NELL1: variants seen among roughly 807,000 people sequenced by gnomAD.
The protein encoded by NELL1 is protein kinase C-binding protein NELL1.
Under a neutral mutation model 107.4 loss-of-function variants are expected in NELL1, and 76 were observed. The observed-to-expected ratio is 0.71, with a 90% CI of 0.59 to 0.86. The LOEUF is 0.86. NELL1 is among the 40% of genes least tolerant of loss of function. The pLI, the probability that NELL1 is intolerant of heterozygous loss-of-function variation, is 0.00. For missense variants in NELL1, 1,024 were observed against 1,005.5 expected (o/e 1.02, Z -0.25); for synonymous variants, 353 against 341.2 (o/e 1.03, Z -0.38).
In NELL1 at chr11:21,337,852, T is replaced by G. The variant is rs544069969; in HGVS notation, c.1550-33001T>G. 1.8e-3 allele frequency among the ~76,000 whole-genome samples: 268 copies of G among 146,152 alleles called. 2 individuals are homozygous for G. The East Asian group carries it at 0.019, about 10-fold the overall frequency. ...TCTTTCTTTCTTTTCTTTCTTTCTTTCTTTCTTTCTTTCTTTCTTTCTTTC... is the reference window on the plus strand; with the variant it reads ...TCTTTCTTTCTTTTCTTTCTTTCTTGCTTTCTTTCTTTCTTTCTTTCTTTC... On this transcript the variant is annotated intron_variant, in intron 14 of 19. Coordinates refer to ENST00000357134, the MANE Select transcript of NELL1 (RefSeq NM_006157.5).
chr11:21,143,777 C>T (rs1855917536), intron 13 of NELL1, among the ~76,000 whole-genome samples: 1 of 152,094 alleles, frequency 6.6e-6, no homozygotes, highest in East Asian at 1.9e-4. Flanking sequence ...CCAAGAAGCT[C>T]CCTGTAGACA....
At position 21,240,125 on chromosome 11, in the gene NELL1, TGAAGTCTGGA is replaced by T. The variant is rs545528712; in HGVS notation, c.1549+10676_1549+10685del. Among the ~76,000 whole-genome samples, 287 of 152,168 alleles carry T rather than the reference TGAAGTCTGGA, an allele frequency of 1.9e-3. 2 individuals carry two copies. The highest frequency in any genetic ancestry group is 2.8e-3 in the Admixed American group (43 of 15,262). On this transcript the variant is annotated intron_variant, in intron 14 of 19. Transcript: ENST00000357134. ...CAATCATTCCTCTACCATTCCCTCC[TGAAGTCTGGA>T]GAAGATAAATGATAAGGACTTTCTC...
In NELL1 at chr11:21,082,453, T is replaced by G. The variant is rs369231895; in HGVS notation, c.1301-31136T>G. Among the ~76,000 whole-genome samples, 12 of 152,274 alleles carry G rather than the reference T, an allele frequency of 7.9e-5. No individual in the cohort carries two copies. The South Asian group carries it at 2.5e-3, about 32-fold the overall frequency. ...AAGATGCAGAGAGAGACCGTGTCAT[T>G]ATATGACAATTTTCCCATGACGATC... On this transcript the variant is annotated intron_variant, in intron 12 of 19. Coordinates refer to ENST00000357134, the MANE Select transcript of NELL1 (RefSeq NM_006157.5).
At chr11:20,721,976 G>T (rs957950054) in intron 2 of NELL1, among the ~76,000 whole-genome samples, 2 of 151,772 alleles carry the variant, frequency 1.3e-5, no homozygotes, top group African/African-American at 4.8e-5. Context: ...CCACTTAGTA[G>T]CTGTGTAAAT....
intron 17 of NELL1, among the ~76,000 whole-genome samples, chr11:21,569,493 T>TG (rs759002599): frequency 6.6e-6 from 1 of 151,290 alleles, no homozygotes; most frequent in African/African-American, 2.4e-5. Flanking sequence ...ATGATGATGA[T>TG]ATATACTTAA....
chr11:21,240,864 C>G (rs1432877834), intron 14 of NELL1, among the ~76,000 whole-genome samples: 1 of 151,750 alleles, frequency 6.6e-6, no homozygotes, highest in Non-Finnish European at 1.5e-5. Context: ...GCCCAGTAGA[C>G]AGTAACTACA....
At chr11:20,951,875 C>G (rs1010540572) in intron 11 of NELL1, among the ~76,000 whole-genome samples, 2 of 152,026 alleles carry the variant, frequency 1.3e-5, no homozygotes, top group Non-Finnish European at 2.9e-5. Flanking sequence ...TCCTCTTTAC[C>G]TTGAGGTAAT....
At chr11:20,909,494 G>T (rs1194462455) in intron 5 of NELL1, among the ~76,000 whole-genome samples, 2 of 152,164 alleles carry the variant, frequency 1.3e-5, no homozygotes, top group Non-Finnish European at 2.9e-5. Context: ...CCAGGGCCGG[G>T]AAGAAGAATC....
intron 5 of NELL1, among the ~76,000 whole-genome samples, chr11:20,898,715 T>G (rs1849806979): frequency 6.6e-6 from 1 of 152,134 alleles, no homozygotes; most frequent in African/African-American, 2.4e-5. Context: ...ATGTGAGTAT[T>G]TTTTCATATG....
intron 13 of NELL1, among the ~76,000 whole-genome samples, chr11:21,127,038 T>C (rs1855501907): frequency 6.6e-6 from 1 of 152,170 alleles, no homozygotes; most frequent in Non-Finnish European, 1.5e-5. Flanking sequence ...GCAAACACTT[T>C]TTGGCATTTA....
intron 15 of NELL1, among the ~76,000 whole-genome samples, chr11:21,487,684 A>T (rs1284870108): frequency 6.6e-6 from 1 of 152,180 alleles, no homozygotes; most frequent in Non-Finnish European, 1.5e-5. Flanking sequence ...GATCATTAAT[A>T]ACCTCGAATT....
At chr11:20,945,893 G>T (rs912621087) in intron 10 of NELL1, among the ~76,000 whole-genome samples, 6 of 152,140 alleles carry the variant, frequency 3.9e-5, no homozygotes, top group African/African-American at 1.4e-4. Flanking sequence ...AGGGACAATT[G>T]TAAGATAGTC....
At chr11:20,789,333 C>T (rs892615623) in intron 3 of NELL1, among the ~76,000 whole-genome samples, 46 of 152,200 alleles carry the variant, frequency 3.0e-4, no homozygotes, top group Non-Finnish European at 6.3e-4. Context: ...ACGGGGTGGG[C>T]AGCTCCAGGT....
At chr11:21,150,117 G>T (rs572529666) in intron 13 of NELL1, among the ~76,000 whole-genome samples, 3 of 152,208 alleles carry the variant, frequency 2.0e-5, no homozygotes, top group African/African-American at 7.2e-5. Context: ...GAGTTTCACT[G>T]GAGCATAGTG....
chr11:21,370,449 A>G (rs1167174913), intron 14 of NELL1, among the ~76,000 whole-genome samples: 1 of 152,232 alleles, frequency 6.6e-6, no homozygotes, highest in East Asian at 1.9e-4. Flanking sequence ...TTTTATTGTC[A>G]TAAGAGATGT....
chr11:21,117,206 A>G (rs912973603), intron 13 of NELL1, among the ~76,000 whole-genome samples: 2 of 151,948 alleles, frequency 1.3e-5, no homozygotes, highest in Admixed American at 6.6e-5. Context: ...TCCATGATCA[A>G]TATAAATAGC....
intron 15 of NELL1, among the ~76,000 whole-genome samples, chr11:21,446,505 C>T (rs889466053): frequency 2.6e-5 from 4 of 152,172 alleles, no homozygotes; most frequent in Non-Finnish European, 5.9e-5. Context: ...GAAGTATTCA[C>T]AAGGCCTTGG....
At chr11:21,220,921 A>G (rs1228062788) in intron 13 of NELL1, among the ~76,000 whole-genome samples, 1 of 152,218 alleles carries the variant, frequency 6.6e-6, no homozygotes, top group African/African-American at 2.4e-5. Flanking sequence ...TAGCAGTGCT[A>G]AAAGTTGTTA....
chr11:20,968,420 G>A (rs1262415240), intron 12 of NELL1, among the ~76,000 whole-genome samples: 1 of 152,130 alleles, frequency 6.6e-6, no homozygotes, highest in Non-Finnish European at 1.5e-5. Context: ...CTTATGTCAA[G>A]TTCATTTTAC....
Sources: allele counts gnomAD v4.1 joint callset (sites outside exome capture counted in the v4.1 genomes callset), GRCh38; gene constraint gnomAD v4.1.1; transcripts MANE v1.5; gene names NCBI Gene and HGNC (gene_info 2026-07-23, HGNC 2026-07-21).